Variants in CTNND2 observed in about 807,000 individuals in gnomAD.
The protein encoded by CTNND2 is catenin delta 2, also known as catenin delta-2.
In CTNND2, 22 loss-of-function variants were observed where a neutral mutation model predicts 144.4. The observed-to-expected ratio is 0.15, with a 90% CI of 0.11 to 0.22. The LOEUF is 0.22. Among genes scored for constraint, CTNND2 ranks in the 10% least tolerant of loss-of-function variants. The pLI is 1.00. For missense variants in CTNND2, 1,353 were observed against 1,618.8 expected (o/e 0.84, Z 2.82); for synonymous variants, 751 against 695.6 (o/e 1.08, Z -1.25).
At chr5:11,798,888 A>C (rs187606734) in intron 1 of CTNND2, among the ~76,000 whole-genome samples, 163 of 152,350 alleles carry the variant, frequency 1.1e-3, no homozygotes, top group Admixed American at 3.3e-3. Flanking sequence ...TACAAAACAC[A>C]GTATAAATCA....
intron 3 of CTNND2, among the ~76,000 whole-genome samples, chr5:11,540,949 G>T (rs1774675308): frequency 6.6e-6 from 1 of 152,194 alleles, no homozygotes; most frequent in Non-Finnish European, 1.5e-5. Flanking sequence ...ATTTAAAGGG[G>T]ACAAATGCTC....
At chr5:11,212,202 T>G (rs1252559173) in intron 10 of CTNND2, among the ~76,000 whole-genome samples, 1 of 152,210 alleles carries the variant, frequency 6.6e-6, no homozygotes, top group African/African-American at 2.4e-5. Flanking sequence ...CAGCTGATAT[T>G]TATTAAGCAT....
chr5:11,067,834 G>A (rs1747776585), intron 16 of CTNND2, among the ~76,000 whole-genome samples: 1 of 152,204 alleles, frequency 6.6e-6, no homozygotes, highest in Non-Finnish European at 1.5e-5. Flanking sequence ...GACTTTTGCT[G>A]AACTGAAGAG....
At chr5:11,098,076 C>A (rs1199183044) in intron 15 of CTNND2, among the ~76,000 whole-genome samples, 2 of 152,198 alleles carry the variant, frequency 1.3e-5, no homozygotes, top group Non-Finnish European at 1.5e-5. Context: ...TTGCCAAAGT[C>A]AACTAACAAT....
intron 3 of CTNND2, among the ~76,000 whole-genome samples, chr5:11,479,285 C>T (rs249267): frequency 0.6 from 91,679 of 152,056 alleles, 28,790 homozygotes; most frequent in African/African-American, 0.77. Context: ...TTGTTAAGGA[C>T]GATGGTCTAC....
At chr5:11,291,780 A>G (rs907634892) in intron 9 of CTNND2, among the ~76,000 whole-genome samples, 7 of 152,204 alleles carry the variant, frequency 4.6e-5, no homozygotes, top group African/African-American at 1.2e-4. Context: ...AACCTGGTAC[A>G]AAATAGGCAG....
chr5:11,624,373 A>G (rs981148727), intron 2 of CTNND2, among the ~76,000 whole-genome samples: 1 of 152,162 alleles, frequency 6.6e-6, no homozygotes, highest in African/African-American at 2.4e-5. Flanking sequence ...GAGAAGAAAG[A>G]GGAACATGTG....
At chr5:11,692,231 T>A (rs886106684) in intron 2 of CTNND2, among the ~76,000 whole-genome samples, 9 of 152,126 alleles carry the variant, frequency 5.9e-5, no homozygotes, top group Non-Finnish European at 5.9e-5. Context: ...CTATTAGGGG[T>A]TTTTATTTTT....
chr5:11,871,651 CT>C (rs1469172927), intron 1 of CTNND2, among the ~76,000 whole-genome samples: 1 of 152,104 alleles, frequency 6.6e-6, no homozygotes, highest in Non-Finnish European at 1.5e-5. Context: ...CAAAGAAAGA[CT>C]TTCTGGCACC....
chr5:11,732,481 AC>A (rs1391901242), intron 1 of CTNND2, among the ~76,000 whole-genome samples: 2 of 152,230 alleles, frequency 1.3e-5, no homozygotes, highest in Non-Finnish European at 2.9e-5. Context: ...ATCAACTCCA[AC>A]CAAATTCCAG....
intron 10 of CTNND2, among the ~76,000 whole-genome samples, chr5:11,210,917 T>G (rs1478978830): frequency 6.6e-6 from 1 of 152,106 alleles, no homozygotes; most frequent in Non-Finnish European, 1.5e-5. Flanking sequence ...GAGTCAGGAA[T>G]TAAGTAAGGA....
chr5:11,798,624 G>A (rs148736375), intron 1 of CTNND2, among the ~76,000 whole-genome samples: 288 of 152,200 alleles, frequency 1.9e-3, no homozygotes, highest in African/African-American at 6.4e-3. Context: ...AATATTATCT[G>A]GGCCTGGTGG....
chr5:11,439,964 A>G (rs1764125380), intron 3 of CTNND2, among the ~76,000 whole-genome samples: 1 of 151,776 alleles, frequency 6.6e-6, no homozygotes, highest in Non-Finnish European at 1.5e-5. Context: ...AGCCACCACC[A>G]TGCCTGGTCC....
At chr5:11,483,703 T>C (rs543914456) in intron 3 of CTNND2, among the ~76,000 whole-genome samples, 4 of 152,310 alleles carry the variant, frequency 2.6e-5, no homozygotes, top group African/African-American at 7.2e-5. Context: ...CAGTGATGCA[T>C]GTTTTTGGCA....
intron 12 of CTNND2, among the ~76,000 whole-genome samples, chr5:11,158,950 TAA>T (rs1379894703): frequency 6.6e-6 from 1 of 152,150 alleles, no homozygotes; most frequent in Admixed American, 6.5e-5. Context: ...GAGCAAAAAT[TAA>T]ACAAGACATA....
intron 1 of CTNND2, among the ~76,000 whole-genome samples, chr5:11,888,449 G>T (rs185515995): frequency 4.6e-5 from 7 of 152,148 alleles, no homozygotes; most frequent in African/African-American, 1.7e-4. Context: ...TCCAATCAAT[G>T]GTTTCCCCCA....
chr5:11,081,788 C>T (rs575288634), intron 16 of CTNND2, among the ~76,000 whole-genome samples: 1 of 152,176 alleles, frequency 6.6e-6, no homozygotes, highest in East Asian at 1.9e-4. Flanking sequence ...TAGGAAAATC[C>T]ATAGACAGAG....
intron 3 of CTNND2, among the ~76,000 whole-genome samples, chr5:11,456,727 A>G (rs1029730085): frequency 2.6e-5 from 4 of 152,212 alleles, no homozygotes; most frequent in Non-Finnish European, 5.9e-5. Flanking sequence ...AAAAATTATT[A>G]AAAGATAAAG....
intron 9 of CTNND2, among the ~76,000 whole-genome samples, chr5:11,307,772 A>G (rs911619680): frequency 6.6e-6 from 1 of 152,196 alleles, no homozygotes; most frequent in African/African-American, 2.4e-5. Flanking sequence ...TGCCTGTTAA[A>G]AGTCCTGCTT....
Sources: gnomAD v4.1 joint callset for allele counts (sites outside exome capture counted in the v4.1 genomes callset) on GRCh38, gnomAD v4.1.1 for gene constraint, MANE v1.5 for transcripts, NCBI Gene and HGNC (gene_info 2026-07-23, HGNC 2026-07-21) for gene names.